MPRIP: variants seen among roughly 807,000 people sequenced by gnomAD.
MPRIP encodes the protein myosin phosphatase Rho-interacting protein.
In MPRIP, 59 loss-of-function variants were observed where a neutral mutation model predicts 234.9. That is an observed-to-expected ratio of 0.25 (90% CI 0.20 to 0.31). The LOEUF is 0.31. Ranked by LOEUF, MPRIP falls within the 10% of genes least tolerant of loss-of-function variation. The pLI, the probability that MPRIP is intolerant of heterozygous loss-of-function variation, is 1.00. For synonymous variants in MPRIP, 1,144 were observed against 1,263.9 expected (o/e 0.91, Z 2.01); for missense variants, 2,436 against 3,071.0 (o/e 0.79, Z 4.89).
At chr17:17,179,776 G>A (rs1010947856) in intron 22 of MPRIP, among the ~76,000 whole-genome samples, 5 of 152,194 alleles carry the variant, frequency 3.3e-5, no homozygotes, top group African/African-American at 7.2e-5. Context: ...AAGCCCTGGC[G>A]GGGCCCCACA....
chr17:17,054,191 CAGTG>C (rs2088625527), intron 1 of MPRIP, among the ~76,000 whole-genome samples: 1 of 150,174 alleles, frequency 6.7e-6, no homozygotes, highest in Admixed American at 6.6e-5. Context: ...TGAGTGATGA[CAGTG>C]AGTGATGACA....
At chr17:17,082,658 G>T (rs1338133235) in intron 3 of MPRIP, among the ~76,000 whole-genome samples, 2 of 152,136 alleles carry the variant, frequency 1.3e-5, no homozygotes, top group Non-Finnish European at 2.9e-5. Flanking sequence ...GTTTTTAAGT[G>T]TGCAGTTCAG....
chr17:17,126,451 A>G (rs2090491855), intron 3 of MPRIP, among the ~76,000 whole-genome samples: 1 of 151,866 alleles, frequency 6.6e-6, no homozygotes, highest in Non-Finnish European at 1.5e-5. Flanking sequence ...TCCCCTGCAT[A>G]TCCCCTCCAG....
chr17:17,124,147 C>A (rs892169533), intron 3 of MPRIP, among the ~76,000 whole-genome samples: 4 of 152,188 alleles, frequency 2.6e-5, no homozygotes, highest in African/African-American at 9.7e-5. Flanking sequence ...GCTTCATACT[C>A]ATTTGGTGAG....
At chr17:17,044,812 G>T (rs1321457307) in intron 1 of MPRIP, among the ~76,000 whole-genome samples, 1 of 152,158 alleles carries the variant, frequency 6.6e-6, no homozygotes, top group Non-Finnish European at 1.5e-5. Flanking sequence ...TACTCTCACT[G>T]TATTCAAAGT....
At chr17:17,052,057 C>G (rs1414034111) in intron 1 of MPRIP, among the ~76,000 whole-genome samples, 1 of 152,238 alleles carries the variant, frequency 6.6e-6, no homozygotes, top group East Asian at 1.9e-4. Flanking sequence ...GCCAGCAGGG[C>G]TGGTGGCAGC....
At chr17:17,184,507 T>C (rs1449122047) in intron 23 of MPRIP, among the ~76,000 whole-genome samples, 1 of 152,250 alleles carries the variant, frequency 6.6e-6, no homozygotes, top group Non-Finnish European at 1.5e-5. Context: ...CTCATTGCAC[T>C]GTTTTCCCTG....
Position 17,138,821 on chromosome 17 carries a change from C to T in MPRIP, c.1250+392C>T, listed in dbSNP as rs1362637553. On this transcript the variant is annotated intron_variant, in intron 7 of 23. Transcript: ENST00000651222. The surrounding 1 kb of genome is among the most constrained non-coding windows in gnomAD (Gnocchi z 5.8). ...CTAGAGCTACATGTGGTGACAGAGG[C>T]GCTCCTCACCCTGGCAGTCCCAGGG... is the stretch of plus-strand genomic sequence containing the variant. Among the ~76,000 whole-genome samples, 1 of 152,104 alleles carries T rather than the reference C, an allele frequency of 6.6e-6. No individual in the cohort carries two copies. Among genetic ancestry groups the T allele is most frequent in the African/African-American group, 2.4e-5 (1 of 41,396 alleles).
intron 3 of MPRIP, among the ~76,000 whole-genome samples, chr17:17,102,048 A>AT (rs2089973305): frequency 6.0e-5 from 9 of 149,952 alleles, no homozygotes; most frequent in African/African-American, 2.2e-4. Context: ...TTTTTTTTTT[A>AT]ATTTTTTTTA....
chr17:17,102,993 G>A (rs2089994129), intron 3 of MPRIP, among the ~76,000 whole-genome samples: 1 of 152,240 alleles, frequency 6.6e-6, no homozygotes, highest in African/African-American at 2.4e-5. Context: ...CAGGCCTCAT[G>A]TACTTTGACA....
At chr17:17,067,767 GTTTC>G (rs1286043839) in intron 1 of MPRIP, among the ~76,000 whole-genome samples, 3 of 85,184 alleles carry the variant, frequency 3.5e-5, no homozygotes, top group Admixed American at 1.1e-4. Context: ...ATTGGAAAGT[GTTTC>G]TTCTTCTTCT....
chr17:17,161,108 G>A, intron 14 of MPRIP, 132 bp from the exon 15 acceptor site: 1 of 577,816 alleles, frequency 1.7e-6, no homozygotes. Context: ...GGCCATATCA[G>A]CACATCTGCT....
intron 14 of MPRIP, among the ~76,000 whole-genome samples, chr17:17,160,420 G>C (rs2066177628): frequency 6.6e-6 from 1 of 152,214 alleles, no homozygotes; most frequent in Non-Finnish European, 1.5e-5. Context: ...CAGTCTGTCA[G>C]CACCCTGGGC....
chr17:17,108,677 T>A (rs754288266), intron 3 of MPRIP, among the ~76,000 whole-genome samples: 2 of 152,218 alleles, frequency 1.3e-5, no homozygotes, highest in Non-Finnish European at 2.9e-5. Context: ...CTCCCTGCTG[T>A]AGATCCCTCA....
chr17:17,159,914 A>G (rs1248583448), intron 14 of MPRIP, among the ~76,000 whole-genome samples: 1 of 152,222 alleles, frequency 6.6e-6, no homozygotes, highest in African/African-American at 2.4e-5. Context: ...ACCAGCACTA[A>G]TACTTGTACT....
chr17:17,064,904 C>G (rs1416748172), intron 1 of MPRIP, among the ~76,000 whole-genome samples: 1 of 152,142 alleles, frequency 6.6e-6, no homozygotes, highest in Non-Finnish European at 1.5e-5. Context: ...TAGGTAGTTG[C>G]ATGTTTAGTT....
rs139228868 is a variant in MPRIP at position 17,078,654 on chromosome 17, C to T, written c.267+578C>T. On this transcript the variant is annotated intron_variant, in intron 3 of 23. Transcript: ENST00000651222. The surrounding 1 kb of genome is among the most constrained non-coding windows in gnomAD (Gnocchi z 4.3). ...CACCTCCCTGGTTTTCCAGTTGCTT[C>T]CTGGGCTGGATGAGTGTTTGCTGCT... 6.7e-4 allele frequency among the ~76,000 whole-genome samples: 102 copies of T among 152,326 alleles called. No individual in the cohort carries two copies. The highest frequency in any genetic ancestry group is 2.3e-3 in the African/African-American group (95 of 41,582).
chr17:17,073,994 G>A (rs543348199), intron 1 of MPRIP, among the ~76,000 whole-genome samples: 42 of 152,306 alleles, frequency 2.8e-4, no homozygotes, highest in African/African-American at 9.9e-4. Context: ...TGCTCCTGGG[G>A]ACCTTGAGGA....
rs1324801109 is a variant in MPRIP, at chr17:17,068,275, A to G, written c.124-7435A>G. On this transcript the variant is annotated intron_variant, in intron 1 of 23. Transcript: ENST00000651222. ...AAGCGATTCTGCTGCCTCAGCCTCC[A>G]GAGTAGCTGGGATTACAGGCATGCT... Among the ~76,000 whole-genome samples, 3 of 150,686 alleles carry G rather than the reference A, an allele frequency of 2.0e-5. No individual in the cohort carries two copies. In the East Asian group the frequency reaches 5.9e-4, roughly 30 times the overall value.
Sources: allele counts gnomAD v4.1 joint callset (sites outside exome capture counted in the v4.1 genomes callset), GRCh38; gene constraint gnomAD v4.1.1; non-coding constraint Gnocchi (gnomAD v3.1); transcripts MANE v1.5; gene names NCBI Gene and HGNC (gene_info 2026-07-23, HGNC 2026-07-21).